The following PPP3CA variants were observed in gnomAD, a reference collection of about 807,000 sequenced individuals.
The protein encoded by PPP3CA is CAM-PRP catalytic subunit.
PPP3CA carries 14 observed loss-of-function variants against 66.5 expected under a neutral mutation model. The observed-to-expected ratio is 0.21, with a 90% CI of 0.14 to 0.33. The LOEUF (loss-of-function observed/expected upper bound fraction) is 0.33. Ranked by LOEUF, PPP3CA falls within the 10% of genes least tolerant of loss-of-function variation. PPP3CA has a pLI of 1.00. For synonymous variants in PPP3CA, 232 were observed against 226.2 expected, an observed-to-expected ratio of 1.03 and a Z score of -0.23; for missense variants, 317 against 639.5, an observed-to-expected ratio of 0.50 and a Z score of 5.44.
At chr4:101,215,480 AT>A (rs1440747809) in intron 1 of PPP3CA, among the ~76,000 whole-genome samples, 5 of 151,966 alleles carry the variant, frequency 3.3e-5, no homozygotes, top group African/African-American at 1.2e-4. Context: ...AAAGTTTTCT[AT>A]TTTTTTCTCT....
chr4:101,278,991 C>G (rs950905948), intron 1 of PPP3CA, among the ~76,000 whole-genome samples: 1 of 152,122 alleles, frequency 6.6e-6, no homozygotes, highest in African/African-American at 2.4e-5. Flanking sequence ...CCCAATAAAG[C>G]CTTTCTCTTC....
intron 5 of PPP3CA, among the ~76,000 whole-genome samples, chr4:101,095,665 T>G (rs557143559): frequency 6.6e-6 from 1 of 152,182 alleles, no homozygotes; most frequent in Non-Finnish European, 1.5e-5. Context: ...AACATTTCTG[T>G]TTTTGAGACG....
chr4:101,176,284 T>A (rs937541227), intron 2 of PPP3CA, among the ~76,000 whole-genome samples: 8 of 152,146 alleles, frequency 5.3e-5, no homozygotes, highest in Non-Finnish European at 1.0e-4. Context: ...TATTAGTGTA[T>A]ACAAACATTA....
At chr4:101,095,161 CTTGT>C (rs1011915029) in intron 5 of PPP3CA, among the ~76,000 whole-genome samples, 1 of 152,086 alleles carries the variant, frequency 6.6e-6, no homozygotes, top group African/African-American at 2.4e-5. Context: ...CAAACTTAAA[CTTGT>C]TTAAGAGATT....
At position 101,345,385 on chromosome 4, in the gene PPP3CA, T is replaced by TAA. The variant is rs1477622511; in HGVS notation, c.58+1352_58+1353dup. Among the ~76,000 whole-genome samples the TAA allele has an allele frequency of 3.9e-5, 6 of 152,324 alleles. No homozygotes were observed. The East Asian group carries it at 9.7e-4, about 25-fold the overall frequency. The stretch of plus-strand genomic sequence containing the variant: ...TTGGGCTGCTGGGTTACTTCACTTT[T>TAA]AAGTGCTCATGGTGCAAACGACTTG... On this transcript the variant is annotated intron_variant, in intron 1 of 13. Coordinates refer to ENST00000394854, the MANE Select transcript of PPP3CA (RefSeq NM_000944.5).
chr4:101,106,401 G>GA (rs1191219435), intron 3 of PPP3CA, among the ~76,000 whole-genome samples: 7 of 6,796 alleles, frequency 1.0e-3, no homozygotes, highest in African/African-American at 2.6e-3. Flanking sequence ...AAGAAAGAAA[G>GA]AAAGAAAGAA....
intron 1 of PPP3CA, among the ~76,000 whole-genome samples, chr4:101,206,212 C>A (rs988107872): frequency 1.3e-5 from 2 of 152,206 alleles, no homozygotes; most frequent in African/African-American, 4.8e-5. Context: ...CAATTCTCTG[C>A]ACCTCTAATG....
At chr4:101,171,781 G>T (rs1414085969) in intron 2 of PPP3CA, among the ~76,000 whole-genome samples, 1 of 152,094 alleles carries the variant, frequency 6.6e-6, no homozygotes. Flanking sequence ...TATGTCTCTA[G>T]TTTTCCTCTG....
chr4:101,201,904 A>C (rs1724977800), intron 1 of PPP3CA, among the ~76,000 whole-genome samples: 1 of 152,202 alleles, frequency 6.6e-6, no homozygotes, highest in South Asian at 2.1e-4. Flanking sequence ...TTAGGCACCA[A>C]CTATGCACTG....
intron 1 of PPP3CA, among the ~76,000 whole-genome samples, chr4:101,223,306 T>A (rs775931799): frequency 3.3e-5 from 5 of 151,786 alleles, no homozygotes; most frequent in African/African-American, 4.8e-5. Context: ...TCAGACCTAA[T>A]GCAATCTCAG....
At chr4:101,159,487 C>T (rs1723432424) in intron 2 of PPP3CA, among the ~76,000 whole-genome samples, 1 of 152,156 alleles carries the variant, frequency 6.6e-6, no homozygotes, top group Non-Finnish European at 1.5e-5. Flanking sequence ...CCAACACTTC[C>T]ACCCAAAAGA....
intron 10 of PPP3CA, among the ~76,000 whole-genome samples, chr4:101,044,296 T>C (rs1727666823): frequency 6.6e-6 from 1 of 152,198 alleles, no homozygotes; most frequent in Non-Finnish European, 1.5e-5. Context: ...TCACAGTCCA[T>C]AATTAAACAG....
At chr4:101,304,671 G>A (rs917620590) in intron 1 of PPP3CA, among the ~76,000 whole-genome samples, 21 of 152,106 alleles carry the variant, frequency 1.4e-4, no homozygotes, top group African/African-American at 5.1e-4. Context: ...GAATAAAAAT[G>A]TATACATTTA....
intron 8 of PPP3CA, 135 bp from the exon 9 acceptor site, chr4:101,063,492 G>T: frequency 1.0e-6 from 1 of 964,976 alleles, no homozygotes; most frequent in Non-Finnish European, 1.5e-6. Flanking sequence ...AGGCATCCCA[G>T]AATGCTTATA....
intron 1 of PPP3CA, among the ~76,000 whole-genome samples, chr4:101,241,351 C>T (rs112227981): frequency 1.3e-5 from 2 of 151,956 alleles, no homozygotes; most frequent in African/African-American, 4.8e-5. Context: ...ATGTGGAAGG[C>T]CTTTGTAAAT....
At chr4:101,108,850 C>T in intron 3 of PPP3CA, 104 bp downstream of exon 3, 1 of 1,114,808 alleles carries the variant, frequency 9.0e-7, no homozygotes, top group East Asian at 2.4e-5. Flanking sequence ...AATTAAATTT[C>T]ATTGTTAGAG....
chr4:101,154,410 G>A (rs1723242499), intron 2 of PPP3CA, among the ~76,000 whole-genome samples: 2 of 152,134 alleles, frequency 1.3e-5, no homozygotes, highest in Non-Finnish European at 1.5e-5. Context: ...TAAAGAGCAC[G>A]TGATTTACTC....
intron 1 of PPP3CA, chr4:101,330,538 C>T: frequency 2.2e-6 from 1 of 453,252 alleles, no homozygotes; most frequent in Non-Finnish European, 4.5e-6. Context: ...AAACATAATG[C>T]TATTGCACAC....
Position 101,039,565 on chromosome 4 carries a change from T to G in PPP3CA, c.1241+917A>C, listed in dbSNP as rs1342580794. On this transcript the variant is annotated intron_variant, in intron 11 of 13. Coordinates refer to ENST00000394854, the MANE Select transcript of PPP3CA (RefSeq NM_000944.5). ...AGAGTTCTCACTGCCTTTGATGTGG[T>G]GTCTCTGAGAGAGCATGATAATGCT... 2.8e-5 allele frequency among the ~76,000 whole-genome samples: 4 copies of G among 144,174 alleles called. 1 individual carries two copies. Among genetic ancestry groups the G allele is most frequent in the African/African-American group, 1.0e-4 (4 of 39,540 alleles). The allele number at this position is 144,174 out of a possible 152,430, so 94.6% of individuals were successfully genotyped here.
Sources: gnomAD v4.1 joint callset for allele counts (sites outside exome capture counted in the v4.1 genomes callset) on GRCh38, gnomAD v4.1.1 for gene constraint, MANE v1.5 for transcripts, NCBI Gene and HGNC (gene_info 2026-07-23, HGNC 2026-07-21) for gene names.